Variants in SYNE1 observed in about 807,000 individuals in gnomAD.
SYNE1 encodes the protein nesprin-1.
A neutral mutation model predicts 1,111.0 loss-of-function variants in SYNE1; 616 were observed. That is an observed-to-expected ratio of 0.55 (90% CI 0.52 to 0.59). The LOEUF (loss-of-function observed/expected upper bound fraction) is 0.59, where lower values mean the gene tolerates loss of function less well. Ranked by LOEUF, SYNE1 falls within the 20% of genes least tolerant of loss-of-function variation. The pLI is 0.00. For synonymous variants in SYNE1, 3,855 were observed against 3,825.8 expected, an observed-to-expected ratio of 1.01 and a Z score of -0.28; for missense variants, 10,006 against 10,417.0, an observed-to-expected ratio of 0.96 and a Z score of 1.72.
rs143105336 is a variant in SYNE1 at position 152,385,758 on chromosome 6, G to C, written c.8568C>G (p.Leu2856=). 6.2e-6 allele frequency: 10 copies of C among 1,614,042 alleles called. No homozygotes were observed. Among genetic ancestry groups the C allele is most frequent in the Middle Eastern group, 1.6e-4 (1 of 6,062 alleles). ...GGTGAAGTTCTTCCTTTGCTGAATG[G>C]AGCCAATCTGTGAACTCGTGGACCG... ...LDAVHEFTDW[L]HSAKEELHRW... is the part of the protein sequence containing the mutation. The change falls in exon 55 of 146, where the codon CTC becomes CTG. Residue 2856 remains leucine (L), a synonymous_variant. Coordinates refer to ENST00000367255, the MANE Select transcript of SYNE1 (RefSeq NM_182961.4).
At chr6:152,265,762 T>A (rs1300001867) in intron 100 of SYNE1, among the ~76,000 whole-genome samples, 1 of 152,166 alleles carries the variant, frequency 6.6e-6, no homozygotes, top group African/African-American at 2.4e-5. Context: ...TCCTTAGTAA[T>A]CTTGGAAGGC....
intron 11 of SYNE1, among the ~76,000 whole-genome samples, chr6:152,496,780 G>C (rs75829545): frequency 6.6e-6 from 1 of 152,074 alleles, no homozygotes; most frequent in Non-Finnish European, 1.5e-5. Context: ...AAGTCTGCAC[G>C]TATACATTCA....
chr6:152,507,698 T>C (rs902578891), intron 8 of SYNE1, among the ~76,000 whole-genome samples: 1 of 152,186 alleles, frequency 6.6e-6, no homozygotes, highest in Non-Finnish European at 1.5e-5. Context: ...CATATATGCA[T>C]ATATTTATTT....
intron 141 of SYNE1, among the ~76,000 whole-genome samples, chr6:152,135,550 T>C (rs1332213116): frequency 6.6e-6 from 1 of 152,246 alleles, no homozygotes; most frequent in Non-Finnish European, 1.5e-5. Flanking sequence ...CTTCTCTGTG[T>C]AGTCAAATCT....
intron 84 of SYNE1, 59 bp downstream of exon 84, chr6:152,321,179 C>A: frequency 6.3e-7 from 1 of 1,596,100 alleles, no homozygotes. Context: ...AACTCTCACA[C>A]AAGAGGACTG....
intron 125 of SYNE1, 110 bp from the exon 126 acceptor site, chr6:152,206,472 T>A: frequency 1.7e-6 from 2 of 1,188,630 alleles, no homozygotes; most frequent in African/African-American, 1.5e-5. Context: ...AGCAAGCATT[T>A]ACCGTAGTGG....
At chr6:152,245,654 T>G (rs1328459966) in intron 105 of SYNE1, among the ~76,000 whole-genome samples, 1 of 152,166 alleles carries the variant, frequency 6.6e-6, no homozygotes, top group East Asian at 1.9e-4. Flanking sequence ...GATAATTGAC[T>G]TAGGAAATCT....
chr6:152,133,135 G>A, intron 143 of SYNE1, 141 bp downstream of exon 143: 1 of 803,558 alleles, frequency 1.2e-6, no homozygotes, highest in Non-Finnish European at 2.1e-6. Context: ...TTTTGAGACA[G>A]GACTTGTAAG....
rs2097627280 is a variant in SYNE1, at chr6:152,391,467, T to C, written c.7814A>G (p.His2605Arg). The C allele has an allele frequency of 1.2e-6, 2 of 1,612,138 alleles. No individual in the cohort carries two copies. Among genetic ancestry groups the C allele is most frequent in the Admixed American group, 1.7e-5 (1 of 59,700 alleles). Residue 2605 changes from histidine (H) to arginine (R), a missense_variant, in exon 52 of 146, where the codon CAC becomes CGC. Physicochemically the swap from His to Arg is conservative, Grantham distance 29. Around this residue, in one of 7 missense-constraint regions of SYNE1, gnomAD observed 4,955 missense variants for 5,017.2 expected, o/e 0.99. Transcript: ENST00000367255. ...TTTGGTCATTCTAAGTAGGTTCTGGTGGCTTGTGAGGAGCTGGGAACACAG... is the reference window on the plus strand; with the variant it reads ...TTTGGTCATTCTAAGTAGGTTCTGGCGGCTTGTGAGGAGCTGGGAACACAG... ...GRLCSQLLTS[H>R]QNLLRMTKEK...
chr6:152,596,266 G>GTTTTTT (rs1480694776), intron 3 of SYNE1, among the ~76,000 whole-genome samples: 1 of 118,732 alleles, frequency 8.4e-6, no homozygotes, highest in African/African-American at 4.0e-5. Flanking sequence ...TTTTTTGTTT[G>GTTTTTT]TTTGTTTTTT....
chr6:152,401,971 A>C (rs2097826274), intron 46 of SYNE1, among the ~76,000 whole-genome samples: 1 of 152,210 alleles, frequency 6.6e-6, no homozygotes, highest in Non-Finnish European at 1.5e-5. Flanking sequence ...CTTAACTTAA[A>C]TTGAAGGCTT....
At chr6:152,276,030 CTTTTTTTT>C (rs749642435) in intron 98 of SYNE1, among the ~76,000 whole-genome samples, 1 of 84,016 alleles carries the variant, frequency 1.2e-5, no homozygotes, top group South Asian at 4.3e-4. Flanking sequence ...TTCTCGACTT[CTTTTTTTT>C]TTTTTTTTTT....
At chr6:152,197,933 G>A (rs1183714940) in intron 127 of SYNE1, among the ~76,000 whole-genome samples, 4 of 152,028 alleles carry the variant, frequency 2.6e-5, no homozygotes, top group African/African-American at 9.7e-5. Context: ...TTTCTCAATG[G>A]CATCTTCTTC....
intron 51 of SYNE1, 135 bp downstream of exon 51, chr6:152,395,381 T>C: frequency 2.3e-6 from 2 of 865,498 alleles, no homozygotes; most frequent in Non-Finnish European, 1.8e-6. Context: ...TCCTCTGTAT[T>C]CCAGACATTC....
Position 152,604,986 on chromosome 6 carries a change from AAGAAAGAAAGAAAGAAAGAAAGAGAGAG to A in SYNE1, c.67+23251_67+23278del, listed in dbSNP as rs1307815750. Among the ~76,000 whole-genome samples the A allele has an allele frequency of 5.2e-3, 139 of 26,842 alleles. 4 individuals are homozygous for A. Among genetic ancestry groups the A allele is most frequent in the Non-Finnish European group, 6.2e-3 (90 of 14,466 alleles). 17.6% of individuals were successfully genotyped at this position (26,842 alleles called of 152,430 possible). A position where few individuals can be genotyped will look rare whatever the true frequency, so the allele number is the denominator to read the frequency against. ...AAAGAAAGAAAGAAAGAAAGAAAGA[AAGAAAGAAAGAAAGAAAGAAAGAGAGAG>A]AGAGAGAGAGAGAGAGAGAGAGGGA... On this transcript the variant is annotated intron_variant, in intron 3 of 145. Coordinates refer to ENST00000367255, the MANE Select transcript of SYNE1 (RefSeq NM_182961.4).
At position 152,628,574 on chromosome 6, in the gene SYNE1, AGGTAC is replaced by A; in HGVS notation, c.-223-25_-223-21del. 1.9e-6 allele frequency: 1 copy of A among 539,776 alleles called. No individual in the cohort carries two copies. The highest frequency in any genetic ancestry group is 1.9e-5 in the African/African-American group (1 of 52,436). 33.4% of individuals were successfully genotyped at this position (539,776 alleles called of 1,614,324 possible). A position where few individuals can be genotyped will look rare whatever the true frequency, so the allele number is the denominator to read the frequency against. ...AAGAACCTGAAAAACAAAAAAGAAA[AGGTAC>A]AACATAAAAAAAAAATCTACGAAGG... On this transcript the variant is annotated intron_variant, in intron 2 of 145. Coordinates refer to ENST00000367255, the MANE Select transcript of SYNE1 (RefSeq NM_182961.4).
chr6:152,598,350 G>A (rs1040327030), intron 3 of SYNE1, among the ~76,000 whole-genome samples: 2 of 152,070 alleles, frequency 1.3e-5, no homozygotes, highest in Non-Finnish European at 2.9e-5. Context: ...TTATTGTGAG[G>A]CCTCCCCAGC....
At chr6:152,348,666 C>T (rs2096684012) in intron 72 of SYNE1, among the ~76,000 whole-genome samples, 1 of 150,526 alleles carries the variant, frequency 6.6e-6, no homozygotes, top group Admixed American at 6.6e-5. Context: ...GCCTGGGCAA[C>T]AAGAGCAAAA....
At position 152,362,058 on chromosome 6, in the gene SYNE1, T is replaced by G. The variant is rs2096941124; in HGVS notation, c.10299+112A>C. The G allele has an allele frequency of 3.5e-6, 5 of 1,432,664 alleles. No individual in the cohort carries two copies. In the Admixed American group the frequency reaches 8.8e-5, roughly 25 times the overall value. The allele number at this position is 1,432,664 out of a possible 1,614,324, so 88.7% of individuals were successfully genotyped here. A position where few individuals can be genotyped will look rare whatever the true frequency, so the allele number is the denominator to read the frequency against. ...GAGATTATACTAAAAGCCCCAAACG[T>G]AATTTGCTTATGTGCACTGCCCTAG... On this transcript the variant is annotated intron_variant, in intron 64 of 145. Coordinates refer to ENST00000367255, the MANE Select transcript of SYNE1 (RefSeq NM_182961.4).
Sources: allele counts gnomAD v4.1 joint callset (sites outside exome capture counted in the v4.1 genomes callset), GRCh38; gene constraint gnomAD v4.1.1; regional missense constraint gnomAD v4.1.1; transcripts MANE v1.5; gene names NCBI Gene and HGNC (gene_info 2026-07-23, HGNC 2026-07-21).